The following DYNC2LI1 variants were observed in gnomAD, a reference collection of about 807,000 sequenced individuals.
The protein encoded by DYNC2LI1 is cytoplasmic dynein 2 light intermediate chain 1.
In DYNC2LI1, 45 loss-of-function variants were observed where a neutral mutation model predicts 51.9. The ratio of observed to expected loss-of-function variants is 0.87; its 90% CI spans 0.68 to 1.11. The LOEUF is 1.11. DYNC2LI1 is among the 50% of genes most tolerant of loss of function. DYNC2LI1 has a pLI of 0.00. For synonymous variants in DYNC2LI1, 130 were observed against 137.8 expected (o/e 0.94, Z 0.40); for missense variants, 490 against 417.4 (o/e 1.17, Z -1.51).
intron 8 of DYNC2LI1, among the ~76,000 whole-genome samples, chr2:43,797,515 CTTTTTTTTTTT>C (rs557695536): frequency 2.7e-5 from 3 of 110,696 alleles, no homozygotes; most frequent in Non-Finnish European, 5.2e-5. Flanking sequence ...AATATAACAA[CTTTTTTTTTTT>C]TTTTTTTTTT....
chr2:43,814,372 T>G, downstream of DYNC2LI1: 3 of 760,378 alleles, frequency 3.9e-6, no homozygotes, highest in South Asian at 4.8e-5. Context: ...AGTTTTAAAT[T>G]GAATTATTAT....
At chr2:43,820,278 T>C in the DYNC2LI1 span, among the ~76,000 whole-genome samples, 1 of 152,236 alleles carries the variant, frequency 6.6e-6, no homozygotes, top group South Asian at 2.1e-4. Context: ...CTATTTATTA[T>C]ATCAAATTGT....
At chr2:43,807,544 A>G (rs1173286262) in intron 12 of DYNC2LI1, among the ~76,000 whole-genome samples, 1 of 151,762 alleles carries the variant, frequency 6.6e-6, no homozygotes, top group African/African-American at 2.4e-5. Context: ...GGCTCAAGGG[A>G]TCCTCCCATC....
chr2:43,790,935 C>T (rs1231474224), intron 5 of DYNC2LI1, among the ~76,000 whole-genome samples: 3 of 152,186 alleles, frequency 2.0e-5, no homozygotes, highest in Admixed American at 1.3e-4. Flanking sequence ...TGGTGAGGGG[C>T]CAGGTGCGGT....
rs539342249 is a variant in DYNC2LI1, at chr2:43,809,555, C to G, written c.994-150C>G. On this transcript the variant is annotated intron_variant, in intron 12 of 12. Coordinates refer to ENST00000260605, the MANE Select transcript of DYNC2LI1 (RefSeq NM_016008.4). ...CTAGAAAATAAGTCCTAAGCATAAT[C>G]ATTTACAAAATAATTGGCAAGAAAT... 663 of 659,230 alleles carry G rather than the reference C, an allele frequency of 1.0e-3. 2 individuals are homozygous for G. The highest frequency in any genetic ancestry group is 1.1e-3 in the Non-Finnish European group (405 of 373,796). 40.8% of individuals were successfully genotyped at this position (659,230 alleles called of 1,614,324 possible). A position where few individuals can be genotyped will look rare whatever the true frequency, so the allele number is the denominator to read the frequency against.
chr2:43,821,898 T>A, the DYNC2LI1 span, among the ~76,000 whole-genome samples: 1 of 152,032 alleles, frequency 6.6e-6, no homozygotes, highest in Non-Finnish European at 1.5e-5. Flanking sequence ...CCGCACCCCA[T>A]CTTTGAAAGT....
At chr2:43,828,260 T>C in the DYNC2LI1 span, 2 of 1,039,202 alleles carry the variant, frequency 1.9e-6, no homozygotes, top group African/African-American at 1.6e-5. Flanking sequence ...GGGGAAAGCA[T>C]GTCTTTGATA....
At chr2:43,776,742 T>C (rs1483760649) in intron 1 of DYNC2LI1, 40 bp from the exon 2 acceptor site, 2 of 888,456 alleles carry the variant, frequency 2.3e-6, no homozygotes, top group Non-Finnish European at 3.5e-6. Flanking sequence ...TTGAAAGAAT[T>C]CTTTTTCCCT....
chr2:43,784,871 A>G (rs1673450924), intron 3 of DYNC2LI1, among the ~76,000 whole-genome samples: 1 of 152,192 alleles, frequency 6.6e-6, no homozygotes, highest in African/African-American at 2.4e-5. Context: ...ATCTTTTGGG[A>G]CATATAACCG....
At chr2:43,810,409 A>C, downstream of DYNC2LI1, 1 of 985,434 alleles carries the variant, frequency 1.0e-6, no homozygotes, top group Non-Finnish European at 1.2e-6. Context: ...CCTATCAAGA[A>C]GCAGGACAAA....
intron 12 of DYNC2LI1, 102 bp from the exon 13 acceptor site, chr2:43,809,603 A>G (rs1266597920): frequency 2.7e-6 from 2 of 742,008 alleles, no homozygotes; most frequent in East Asian, 5.3e-5. Flanking sequence ...AATGCTACTA[A>G]GGATTCATTG....
intron 3 of DYNC2LI1, among the ~76,000 whole-genome samples, chr2:43,785,658 T>G (rs1673491379): frequency 6.6e-6 from 1 of 151,784 alleles, no homozygotes; most frequent in African/African-American, 2.4e-5. Flanking sequence ...CACTTGAACC[T>G]GGGAGGCAGA....
downstream of DYNC2LI1, chr2:43,812,875 C>T (rs1233559775): frequency 1.7e-5 from 9 of 527,814 alleles, 1 homozygote; most frequent in African/African-American, 9.5e-5. Flanking sequence ...TTCTTGGGTC[C>T]GCTCAGTCAC....
At chr2:43,815,176 G>A in the DYNC2LI1 span, among the ~76,000 whole-genome samples, 4 of 152,174 alleles carry the variant, frequency 2.6e-5, no homozygotes, top group African/African-American at 9.6e-5. Context: ...AGGAGAGACC[G>A]AACCAACATT....
chr2:43,816,965 A>C, the DYNC2LI1 span, among the ~76,000 whole-genome samples: 3 of 152,194 alleles, frequency 2.0e-5, no homozygotes, highest in African/African-American at 7.2e-5. Context: ...TTTGTGTTTA[A>C]AAGAGAAGGG....
chr2:43,817,349 G>A, the DYNC2LI1 span, among the ~76,000 whole-genome samples: 1 of 151,946 alleles, frequency 6.6e-6, no homozygotes, highest in Non-Finnish European at 1.5e-5. Flanking sequence ...GCTGGGCGTG[G>A]TGGTGCGCAC....
chr2:43,823,861 A>G, the DYNC2LI1 span: 8 of 1,588,162 alleles, frequency 5.0e-6, no homozygotes, highest in Non-Finnish European at 6.9e-6. Flanking sequence ...ACAGCTGGAG[A>G]AGGGAGGTAT....
At position 43,787,164 on chromosome 2, in the gene DYNC2LI1, C is replaced by A. The variant is rs112163078; in HGVS notation, c.162-17C>A. On this transcript the variant is annotated splice_polypyrimidine_tract_variant and intron_variant, in intron 3 of 12. Coordinates refer to ENST00000260605, the MANE Select transcript of DYNC2LI1 (RefSeq NM_016008.4). ...ATACCACCTACAATGATAATACTAT[C>A]GGCCTTTATTATACAGAGATGAACC... The A allele has an allele frequency of 1.9e-6, 3 of 1,595,650 alleles. No homozygotes were observed. Among genetic ancestry groups the A allele is most frequent in the Non-Finnish European group, 2.6e-6 (3 of 1,164,580 alleles).
chr2:43,820,065 C>T, the DYNC2LI1 span: 1 of 1,614,100 alleles, frequency 6.2e-7, no homozygotes, highest in Non-Finnish European at 8.5e-7. Context: ...AGAAAAATAT[C>T]CAAATCGGGC....
Sources: allele counts gnomAD v4.1 joint callset (sites outside exome capture counted in the v4.1 genomes callset), GRCh38; gene constraint gnomAD v4.1.1; transcripts MANE v1.5; gene names NCBI Gene and HGNC (gene_info 2026-07-23, HGNC 2026-07-21).